The following ALCAM variants were observed in gnomAD, a reference collection of about 807,000 sequenced individuals.
ALCAM encodes the protein CD166 antigen.
Under a neutral mutation model 70.9 loss-of-function variants are expected in ALCAM, and 30 were observed. The observed-to-expected ratio is 0.42, with a 90% CI of 0.32 to 0.57. ALCAM has a LOEUF of 0.57. Among genes scored for constraint, ALCAM ranks in the 20% least tolerant of loss-of-function variants. ALCAM has a pLI of 0.11. For synonymous variants in ALCAM, 249 were observed against 242.5 expected, an observed-to-expected ratio of 1.03 and a Z score of -0.25; for missense variants, 591 against 695.1, an observed-to-expected ratio of 0.85 and a Z score of 1.68.
At chr3:105,370,023 C>T (rs1015691021) in intron 1 of ALCAM, among the ~76,000 whole-genome samples, 1 of 152,116 alleles carries the variant, frequency 6.6e-6, no homozygotes, top group South Asian at 2.1e-4. Flanking sequence ...GGAGATGGGG[C>T]GCTGCAGTTA....
chr3:105,374,926 T>C (rs1302596165), intron 1 of ALCAM, among the ~76,000 whole-genome samples: 1 of 152,168 alleles, frequency 6.6e-6, no homozygotes, highest in East Asian at 1.9e-4. Flanking sequence ...AATAAGCTGG[T>C]TTATGAGTTT....
chr3:105,429,306 A>G (rs1936869762), intron 1 of ALCAM, among the ~76,000 whole-genome samples: 5 of 151,960 alleles, frequency 3.3e-5, no homozygotes, highest in Admixed American at 1.3e-4. Flanking sequence ...AATAAAAATG[A>G]GAAGCATGTT....
At chr3:105,404,348 A>T (rs1192602167) in intron 1 of ALCAM, among the ~76,000 whole-genome samples, 2 of 152,192 alleles carry the variant, frequency 1.3e-5, no homozygotes, top group Admixed American at 6.5e-5. Context: ...GCATCAGGTA[A>T]CCTACAAAGG....
At chr3:105,540,139 C>A (rs779173959) in intron 7 of ALCAM, 37 bp downstream of exon 7, 1 of 1,589,842 alleles carries the variant, frequency 6.3e-7, no homozygotes, top group Non-Finnish European at 8.6e-7. Context: ...GGATGACTAT[C>A]ATTTTTCCTG....
intron 12 of ALCAM, 62 bp downstream of exon 12, chr3:105,550,321 T>A: frequency 6.7e-7 from 1 of 1,490,090 alleles, no homozygotes; most frequent in South Asian, 1.3e-5. Context: ...TTCATTAGTT[T>A]AAAATCTTCA....
intron 1 of ALCAM, among the ~76,000 whole-genome samples, chr3:105,399,922 A>G (rs1328653231): frequency 6.6e-6 from 1 of 152,176 alleles, no homozygotes; most frequent in African/African-American, 2.4e-5. Flanking sequence ...CCTTCGTATA[A>G]AAACTGTTCT....
chr3:105,527,914 G>A (rs188260141), intron 3 of ALCAM, among the ~76,000 whole-genome samples: 7 of 151,140 alleles, frequency 4.6e-5, no homozygotes, highest in African/African-American at 1.5e-4. Context: ...ATTTTGGGGG[G>A]CATTGAGGGG....
chr3:105,440,051 C>T (rs769418022), intron 1 of ALCAM, among the ~76,000 whole-genome samples: 9 of 152,298 alleles, frequency 5.9e-5, no homozygotes, highest in Non-Finnish European at 1.2e-4. Flanking sequence ...CACACGCCAT[C>T]CATTCAACAA....
intron 1 of ALCAM, among the ~76,000 whole-genome samples, chr3:105,511,686 T>A (rs1001431397): frequency 6.6e-6 from 1 of 152,050 alleles, no homozygotes; most frequent in African/African-American, 2.4e-5. Flanking sequence ...CATGTTTGAT[T>A]GTACAAATCT....
chr3:105,453,132 C>T (rs1169172869), intron 1 of ALCAM, among the ~76,000 whole-genome samples: 3 of 152,140 alleles, frequency 2.0e-5, no homozygotes, highest in African/African-American at 7.2e-5. Flanking sequence ...GCATTTTTGT[C>T]ATGAAGTCTT....
At chr3:105,545,523 A>C in intron 9 of ALCAM, among the ~76,000 whole-genome samples, 188 bp downstream of exon 9, 1 of 151,406 alleles carries the variant, frequency 6.6e-6, no homozygotes, top group South Asian at 2.1e-4. Flanking sequence ...ACACGGTGAC[A>C]TCCATAATTG....
At chr3:105,559,017 T>C (rs1015263161) in intron 14 of ALCAM, among the ~76,000 whole-genome samples, 2 of 151,928 alleles carry the variant, frequency 1.3e-5, no homozygotes, top group Non-Finnish European at 2.9e-5. Context: ...GACTAGAGGG[T>C]CACCTTTAGC....
chr3:105,459,136 C>T (rs1474819067), intron 1 of ALCAM, among the ~76,000 whole-genome samples: 1 of 152,092 alleles, frequency 6.6e-6, no homozygotes, highest in Non-Finnish European at 1.5e-5. Context: ...CATTTATTAT[C>T]CAGAAGTATG....
At chr3:105,525,500 G>T (rs1011264107) in intron 3 of ALCAM, 3 of 338,854 alleles carry the variant, frequency 8.9e-6, no homozygotes, top group African/African-American at 6.7e-5. Flanking sequence ...AGGGAAGAAG[G>T]TTTCACTTTA....
chr3:105,552,397 A>G, intron 13 of ALCAM, 71 bp from the exon 14 acceptor site: 2 of 1,479,880 alleles, frequency 1.4e-6, no homozygotes, highest in Non-Finnish European at 1.9e-6. Flanking sequence ...ATACAAAGTA[A>G]TAGCTAGATT....
chr3:105,410,314 G>A (rs771246791), intron 1 of ALCAM, among the ~76,000 whole-genome samples: 15 of 152,066 alleles, frequency 9.9e-5, no homozygotes, highest in African/African-American at 1.4e-4. Flanking sequence ...AAGACAAATT[G>A]TCTTAAATTA....
intron 6 of ALCAM, 57 bp downstream of exon 6, chr3:105,534,902 G>T (rs1939932196): frequency 2.0e-6 from 3 of 1,465,504 alleles, no homozygotes; most frequent in Non-Finnish European, 2.8e-6. Flanking sequence ...ATATTCAAAT[G>T]CTATTAATCT....
intron 1 of ALCAM, among the ~76,000 whole-genome samples, chr3:105,482,507 A>T (rs1174744889): frequency 6.6e-6 from 1 of 152,000 alleles, no homozygotes; most frequent in Non-Finnish European, 1.5e-5. Flanking sequence ...TATTATTTTT[A>T]CTCTCATTAT....
chr3:105,431,596 G>A (rs532732122), intron 1 of ALCAM, among the ~76,000 whole-genome samples: 3 of 152,232 alleles, frequency 2.0e-5, no homozygotes, highest in East Asian at 1.9e-4. Flanking sequence ...CTGTAACTCC[G>A]TGGTGCCAGA....
Sources: allele counts gnomAD v4.1 joint callset (sites outside exome capture counted in the v4.1 genomes callset), GRCh38; gene constraint gnomAD v4.1.1; transcripts MANE v1.5; gene names NCBI Gene and HGNC (gene_info 2026-07-23, HGNC 2026-07-21).